Variants in GABBR1 observed in about 807,000 individuals in gnomAD.
GABBR1 encodes GABA-B receptor, R1 subunit.
GABBR1 carries 35 observed loss-of-function variants against 117.7 expected under a neutral mutation model. The observed-to-expected ratio is 0.30, with a 90% confidence interval of 0.23 to 0.39. The LOEUF is 0.39. Ranked by LOEUF, GABBR1 falls within the 10% of genes least tolerant of loss-of-function variation. The pLI, the probability that GABBR1 is intolerant of heterozygous loss-of-function variation, is 1.00. For synonymous variants in GABBR1, 442 were observed against 486.6 expected, an observed-to-expected ratio of 0.91 and a Z score of 1.21; for missense variants, 709 against 1,241.8, an observed-to-expected ratio of 0.57 and a Z score of 6.45.
chr6:29,631,281 A>G lies in GABBR1; in HGVS notation c.289+115T>C. 1 of 1,046,868 alleles carries G rather than the reference A, an allele frequency of 9.6e-7. No homozygotes were observed. The allele number at this position is 1,046,868 out of a possible 1,614,324, so 64.8% of individuals were successfully genotyped here. ...TATGTAGTAGTCATTCAATAAATGT[A>G]TTTGTGAATTTTGGTATACTGGATT... On this transcript the variant is annotated intron_variant, in intron 3 of 22. Transcript: ENST00000377034. The surrounding 1 kb of genome is among the most constrained non-coding windows in gnomAD (Gnocchi z 5.9).
chr6:29,629,927 GTTC>G (rs1344516302), intron 4 of GABBR1: 1 of 152,758 alleles, frequency 6.5e-6, no homozygotes, highest in African/African-American at 2.4e-5. Flanking sequence ...TCCCTGAGTT[GTTC>G]TTCATCTTCT....
In GABBR1 at chr6:29,632,247, A is replaced by G. The variant is rs1765065309; in HGVS notation, c.85+54T>C. ...ATGAGGACCAGAAATGAGGAGATGC[A>G]GGGAAAGGGAAGTGGAGCGAAGGAG... On this transcript the variant is annotated intron_variant, in intron 2 of 22. Transcript: ENST00000377034. The surrounding 1 kb of genome is among the most constrained non-coding windows in gnomAD (Gnocchi z 5.8). The G allele has an allele frequency of 2.3e-5, 24 of 1,041,420 alleles. No individual in the cohort carries two copies. Among genetic ancestry groups the G allele is most frequent in the Non-Finnish European group, 3.0e-5 (23 of 756,406 alleles). The allele number at this position is 1,041,420 out of a possible 1,614,324, so 64.5% of individuals were successfully genotyped here.
Position 29,602,594 on chromosome 6 carries a change from T to C in GABBR1, c.*949A>G, listed in dbSNP as rs966188218. 5 of 182,138 alleles carry C rather than the reference T, an allele frequency of 2.7e-5. No homozygotes were observed. Among genetic ancestry groups the C allele is most frequent in the South Asian group, 1.1e-4 (1 of 9,272 alleles). The allele number at this position is 182,138 out of a possible 1,614,324, so 11.3% of individuals were successfully genotyped here. A position where few individuals can be genotyped will look rare whatever the true frequency, so the allele number is the denominator to read the frequency against. On this transcript the variant is annotated 3_prime_UTR_variant, in exon 23 of 23. Coordinates refer to ENST00000377034, the MANE Select transcript of GABBR1 (RefSeq NM_001470.4). ...AGGGTGTGGATGGCCCCACCAAACA[T>C]GAATTGGGGAAAAGTGCATAACAAT...
At chr6:29,614,062 C>T (rs2127412243) in intron 11 of GABBR1, among the ~76,000 whole-genome samples, 1 of 152,284 alleles carries the variant, frequency 6.6e-6, no homozygotes, top group Middle Eastern at 3.4e-3. Context: ...TACAGAAATA[C>T]CCTTCACATT....
chr6:29,617,554 C>T (rs958375636), intron 11 of GABBR1, among the ~76,000 whole-genome samples: 3 of 152,142 alleles, frequency 2.0e-5, no homozygotes, highest in African/African-American at 7.2e-5. Context: ...CCTGCCTCAG[C>T]CTCCCAAAGT....
chr6:29,630,299 G>C lies in GABBR1; in HGVS notation c.475+159C>G, dbSNP rs1402472800. The C allele has an allele frequency of 3.2e-6, 2 of 617,258 alleles. No homozygotes were observed. The highest frequency in any genetic ancestry group is 3.7e-5 in the African/African-American group (2 of 54,430). 38.2% of individuals were successfully genotyped at this position (617,258 alleles called of 1,614,324 possible). ...CCGGGGACTGCAAGAGGAAGTTTGA[G>C]GCAGGTGATGGAGGAAAAAGGGACT... On this transcript the variant is annotated intron_variant, in intron 4 of 22. Coordinates refer to ENST00000377034, the MANE Select transcript of GABBR1 (RefSeq NM_001470.4). This position sits in a 1 kb window ranked among gnomAD's most constrained non-coding sequence, Gnocchi z 4.9.
chr6:29,623,496 G>A lies in GABBR1; in HGVS notation c.793-21C>T, dbSNP rs1239943353. On this transcript the variant is annotated intron_variant, in intron 7 of 22. Transcript: ENST00000377034. This position sits in a 1 kb window ranked among gnomAD's most constrained non-coding sequence, Gnocchi z 6.2. ...GAAAGCTGTGGGGCAGGGAGAGTGA[G>A]TGCAACAGGGTCTGTTCACTGAGGA... is the stretch of plus-strand genomic sequence containing the variant. The A allele has an allele frequency of 2.5e-6, 4 of 1,610,848 alleles. No homozygotes were observed. The highest frequency in any genetic ancestry group is 3.3e-5 in the Admixed American group (2 of 59,906).
Position 29,605,227 on chromosome 6 carries a change from GCA to G in GABBR1, c.2440-241_2440-240del. ...AGGCAGGAACTCCCAGGATCTCTAT[GCA>G]CAGATTCCGGGTCCTCCAGAGTCGG... On this transcript the variant is annotated intron_variant, in intron 20 of 22. Transcript: ENST00000377034. This position sits in a 1 kb window ranked among gnomAD's most constrained non-coding sequence, Gnocchi z 4.2. 3 of 575,636 alleles carry G rather than the reference GCA, an allele frequency of 5.2e-6. No homozygotes were observed. Among genetic ancestry groups the G allele is most frequent in the South Asian group, 2.5e-5 (1 of 40,574 alleles). The allele number at this position is 575,636 out of a possible 1,614,324, so 35.7% of individuals were successfully genotyped here. A position where few individuals can be genotyped will look rare whatever the true frequency, so the allele number is the denominator to read the frequency against.
At chr6:29,618,388 T>C (rs1167707835) in intron 11 of GABBR1, among the ~76,000 whole-genome samples, 1 of 152,196 alleles carries the variant, frequency 6.6e-6, no homozygotes, top group Non-Finnish European at 1.5e-5. Flanking sequence ...TCAGTAAAGA[T>C]ACAGTTATAG....
chr6:29,621,254 C>G lies in GABBR1; in HGVS notation c.1170G>C (p.Trp390Cys). Residue 390 changes from tryptophan to cysteine, a missense_variant, in exon 11 of 23, where the codon TGG becomes TGC. Physicochemically the swap from Trp to Cys is radical, Grantham distance 215. Coordinates refer to ENST00000377034, the MANE Select transcript of GABBR1 (RefSeq NM_001470.4). The surrounding 1 kb of genome is among the most constrained non-coding windows in gnomAD (Gnocchi z 5.0). ...KERLFGKKYV[W>C]FLIGWYADNW... is the part of the protein sequence containing the mutation. ...TGTCAGCATACCACCCAATGAGGAA[C>G]CAGACGTACTTCTTCCCAAAGAGAC... 1 of 1,613,076 alleles carries G rather than the reference C, an allele frequency of 6.2e-7. No individual in the cohort carries two copies. Among genetic ancestry groups the G allele is most frequent in the Non-Finnish European group, 8.5e-7 (1 of 1,180,022 alleles).
Position 29,608,655 on chromosome 6 carries a change from G to C in GABBR1, c.1938C>G (p.Pro646=), listed in dbSNP as rs76632246. Residue 646 remains proline (P), a synonymous_variant, in exon 16 of 23, where the codon CCC becomes CCG. Transcript: ENST00000377034. ...GCSLALAAVF[P]LGLDGYHIGR... Reference sequence around the variant, plus strand: ...CAATGTGGTAACCATCGAGCCCCAGGGGGAAGACAGCAGCTAAAGCCAGTG... The same window carrying C: ...CAATGTGGTAACCATCGAGCCCCAGCGGGAAGACAGCAGCTAAAGCCAGTG... 2 of 1,612,950 alleles carry C rather than the reference G, an allele frequency of 1.2e-6. No individual in the cohort carries two copies. Among genetic ancestry groups the C allele is most frequent in the Non-Finnish European group, 1.7e-6 (2 of 1,180,022 alleles).
At position 29,621,848 on chromosome 6, in the gene GABBR1, G is replaced by T. The variant is rs987897616; in HGVS notation, c.1066-31C>A. 6 of 1,609,552 alleles carry T rather than the reference G, an allele frequency of 3.7e-6. No homozygotes were observed. The African/African-American group carries it at 6.7e-5, about 18-fold the overall frequency. On this transcript the variant is annotated intron_variant, in intron 9 of 22. Transcript: ENST00000377034. This position sits in a 1 kb window ranked among gnomAD's most constrained non-coding sequence, Gnocchi z 5.0. ...ACAGAGAAAGAAACAGCTCCTGAGG[G>T]ATGCCCGGGAATGCCTGAGGGGCTA...
Position 29,627,590 on chromosome 6 carries a change from C to T in GABBR1, c.553G>A (p.Gly185Ser). 1 of 1,578,010 alleles carries T rather than the reference C, an allele frequency of 6.3e-7. No homozygotes were observed. Among genetic ancestry groups the T allele is most frequent in the Non-Finnish European group, 8.6e-7 (1 of 1,163,220 alleles). The change falls in exon 6 of 23, where the codon GGC becomes AGC. Residue 185 changes from glycine (G) to serine (S), a missense_variant. Gly to Ser is a moderately conservative substitution (Grantham distance 56). Transcript: ENST00000377034. The surrounding 1 kb of genome is among the most constrained non-coding windows in gnomAD (Gnocchi z 4.4). Reference protein sequence around the residue: ...LFPMSGGWPGGQACQPAVEMA... With the variant: ...LFPMSGGWPGSQACQPAVEMA... ...TCCACCGCGGGCTGGCAGGCCTGGC[C>T]CCCTGGCCAGCCCCCGCTCATGGGA...
intron 16 of GABBR1, 188 bp downstream of exon 16, chr6:29,608,413 G>T: frequency 1.7e-6 from 1 of 594,420 alleles, no homozygotes; most frequent in Non-Finnish European, 2.9e-6. Flanking sequence ...AATGAAAATG[G>T]CCTGCAGACA....
intron 5 of GABBR1, chr6:29,628,016 C>T (rs1764508139): frequency 1.5e-5 from 19 of 1,272,462 alleles, no homozygotes; most frequent in Non-Finnish European, 1.9e-5. Context: ...GACTGACTGA[C>T]CGACGGAGGG....
chr6:29,610,051 G>C (rs1582962360), intron 14 of GABBR1, among the ~76,000 whole-genome samples: 1 of 141,232 alleles, frequency 7.1e-6, no homozygotes, highest in African/African-American at 2.6e-5. Flanking sequence ...CCAGAACATT[G>C]TCCTAAATTC....
In GABBR1 at chr6:29,604,685, A is replaced by G; in HGVS notation, c.2569-48T>C. 6.2e-7 allele frequency: 1 copy of G among 1,610,038 alleles called. No individual in the cohort carries two copies. Among genetic ancestry groups the G allele is most frequent in the Non-Finnish European group, 8.5e-7 (1 of 1,177,414 alleles). On this transcript the variant is annotated intron_variant, in intron 21 of 22. Coordinates refer to ENST00000377034, the MANE Select transcript of GABBR1 (RefSeq NM_001470.4). This position sits in a 1 kb window ranked among gnomAD's most constrained non-coding sequence, Gnocchi z 5.3. The stretch of plus-strand genomic sequence containing the variant: ...GGGGTGGCCCAGCAAGGACTGTACT[A>G]GTGACTGGCTGATGGAAGGTTGGAG...
chr6:29,621,674 GATGCCAA>G lies in GABBR1; in HGVS notation c.1131+71_1131+77del. On this transcript the variant is annotated intron_variant, in intron 10 of 22. Transcript: ENST00000377034. This position sits in a 1 kb window ranked among gnomAD's most constrained non-coding sequence, Gnocchi z 5.0. ...ATCATATGCTATCAACTCAGGCACA[GATGCCAA>G]GAGGAGGCCCCACAAGAAAACCAAG... The G allele has an allele frequency of 8.0e-7, 1 of 1,254,120 alleles. No homozygotes were observed. Among genetic ancestry groups the G allele is most frequent in the Non-Finnish European group, 1.2e-6 (1 of 853,046 alleles). 77.7% of individuals were successfully genotyped at this position (1,254,120 alleles called of 1,614,324 possible). A position where few individuals can be genotyped will look rare whatever the true frequency, so the allele number is the denominator to read the frequency against.
At position 29,605,088 on chromosome 6, in the gene GABBR1, G is replaced by T; in HGVS notation, c.2440-100C>A. The T allele has an allele frequency of 8.0e-7, 1 of 1,256,854 alleles. No homozygotes were observed. The highest frequency in any genetic ancestry group is 1.1e-6 in the Non-Finnish European group (1 of 924,092). 77.9% of individuals were successfully genotyped at this position (1,256,854 alleles called of 1,614,324 possible). A position where few individuals can be genotyped will look rare whatever the true frequency, so the allele number is the denominator to read the frequency against. On this transcript the variant is annotated intron_variant, in intron 20 of 22. Transcript: ENST00000377034. The surrounding 1 kb of genome is among the most constrained non-coding windows in gnomAD (Gnocchi z 4.2). ...AGGGAGTCTATGCAGACAGTTTCCTGGTGAACTTTCCCTTTGAAAAGGATC... is the reference window on the plus strand; with the variant it reads ...AGGGAGTCTATGCAGACAGTTTCCTTGTGAACTTTCCCTTTGAAAAGGATC...
Sources: gnomAD v4.1 joint callset for allele counts (sites outside exome capture counted in the v4.1 genomes callset) on GRCh38, gnomAD v4.1.1 for gene constraint, Gnocchi (gnomAD v3.1) non-coding constraint, MANE v1.5 for transcripts, NCBI Gene and HGNC (gene_info 2026-07-23, HGNC 2026-07-21) for gene names.